Variants in PWWP3B observed in about 807,000 individuals in gnomAD.
PWWP3B encodes the protein PWWP domain containing 3B.
A neutral mutation model predicts 15.7 loss-of-function variants in PWWP3B; 5 were observed. The observed-to-expected ratio is 0.32, with a 90% CI of 0.17 to 0.67. PWWP3B has a LOEUF of 0.67. PWWP3B is among the 30% of genes least tolerant of loss of function. PWWP3B has a pLI of 0.74. For missense variants in PWWP3B, 519 were observed against 493.1 expected, an observed-to-expected ratio of 1.05 and a Z score of -0.50; for synonymous variants, 203 against 179.8, an observed-to-expected ratio of 1.13 and a Z score of -1.03.
intron 2 of PWWP3B, among the ~76,000 whole-genome samples, chrX:106,196,229 T>C (rs962904333): frequency 1.8e-5 from 2 of 112,038 alleles, no homozygotes; most frequent in African/African-American, 6.5e-5. Context: ...ATCTTGTCTG[T>C]AAATGCAATT....
intron 2 of PWWP3B, among the ~76,000 whole-genome samples, chrX:106,180,216 G>A (rs1922116412): frequency 9.0e-6 from 1 of 111,254 alleles, no homozygotes; most frequent in Non-Finnish European, 1.9e-5. Flanking sequence ...AATAGGAATA[G>A]TGTCCCCAAC....
Position 106,179,971 on chromosome X carries a change from C to T in PWWP3B, c.-401+8832C>T, listed in dbSNP as rs775590121. On this transcript the variant is annotated intron_variant, in intron 2 of 3. Coordinates refer to ENST00000357175, the MANE Select transcript of PWWP3B (RefSeq NM_001171020.2). Reference sequence around the variant, plus strand: ...CCATCTGCCTGACTCTCACGAAACCCTTAAAAACAATCCTTTCCAATGGGT... The same window carrying T: ...CCATCTGCCTGACTCTCACGAAACCTTTAAAAACAATCCTTTCCAATGGGT... 6.4e-4 allele frequency among the ~76,000 whole-genome samples: 71 copies of T among 111,490 alleles called. 2 individuals are homozygous for T. Among genetic ancestry groups the T allele is most frequent in the Admixed American group, 5.5e-3 (58 of 10,485 alleles).
At chrX:106,194,163 C>G (rs1253507848) in intron 2 of PWWP3B, among the ~76,000 whole-genome samples, 2 of 112,039 alleles carry the variant, frequency 1.8e-5, no homozygotes, top group Non-Finnish European at 3.8e-5. Flanking sequence ...TTCTCCCCGT[C>G]ACTTTCAGGT....
Position 106,205,404 on chromosome X carries a change from T to G in PWWP3B, c.-29T>G. On this transcript the variant is annotated 5_prime_UTR_variant, in exon 4 of 4. Coordinates refer to ENST00000357175, the MANE Select transcript of PWWP3B (RefSeq NM_001171020.2). ...AGATAGCCACCTCAACCTTTGGTAA[T>G]AACCCTTGGCACACAAATATAAACC... 1.8e-6 allele frequency: 2 copies of G among 1,101,493 alleles called. No homozygotes were observed. Among genetic ancestry groups the G allele is most frequent in the Non-Finnish European group, 2.4e-6 (2 of 841,843 alleles). The allele number at this position is 1,101,493 out of a possible 1,213,427, so 90.8% of individuals were successfully genotyped here.
intron 2 of PWWP3B, among the ~76,000 whole-genome samples, chrX:106,188,861 G>C (rs1922687034): frequency 8.9e-6 from 1 of 112,432 alleles, no homozygotes; most frequent in Non-Finnish European, 1.9e-5. Context: ...CCTTAATGTA[G>C]CTGAGAGGTA....
At position 106,205,806 on chromosome X, in the gene PWWP3B, A is replaced by C. The variant is rs957562867; in HGVS notation, c.374A>C (p.Gln125Pro). 5 of 1,211,322 alleles carry C rather than the reference A, an allele frequency of 4.1e-6. No homozygotes were observed. In the South Asian group the frequency reaches 5.3e-5, roughly 13 times the overall value. The part of the protein sequence containing the change: ...TMLSQNVPQK[Q>P]SDSPPHKKYR... ...CTGTCTCAAAATGTACCACAAAAAC[A>C]GTCCGATTCACCCCCTCATAAAAAA... The change falls in exon 4 of 4, where the codon CAG becomes CCG. Residue 125 changes from glutamine to proline, a missense_variant. Gln to Pro is a moderately conservative substitution (Grantham distance 76). Transcript: ENST00000357175.
chrX:106,196,954 G>A (rs1271168277), intron 2 of PWWP3B, among the ~76,000 whole-genome samples: 2 of 110,993 alleles, frequency 1.8e-5, no homozygotes, highest in East Asian at 5.8e-4. Context: ...CTTCATACTT[G>A]TGCCACCAGC....
Position 106,207,516 on chromosome X carries a change from C to G in PWWP3B, c.2084C>G (p.Ala695Gly). 4 of 1,140,622 alleles carry G rather than the reference C, an allele frequency of 3.5e-6. No individual in the cohort carries two copies. The highest frequency in any genetic ancestry group is 4.6e-6 in the Non-Finnish European group (4 of 862,596). 94.0% of individuals were successfully genotyped at this position (1,140,622 alleles called of 1,213,427 possible). The part of the protein sequence containing the change: ...EKRRKAPTNE[A>G]H ...AGACGAAAAGCACCAACAAATGAAG[C>G]TCACTAAATGTGCTGAAAGTTGAAA... The change falls in exon 4 of 4, where the codon GCT (alanine) becomes GGT (glycine). Residue 695 changes from alanine to glycine, a missense_variant. Ala to Gly is a moderately conservative substitution (Grantham distance 60). Coordinates refer to ENST00000357175, the MANE Select transcript of PWWP3B (RefSeq NM_001171020.2).
intron 2 of PWWP3B, among the ~76,000 whole-genome samples, chrX:106,199,583 C>G (rs1923579845): frequency 9.1e-6 from 1 of 110,401 alleles, no homozygotes; most frequent in Non-Finnish European, 1.9e-5. Flanking sequence ...AACTCTCTAT[C>G]ATGATCAAAT....
chrX:106,193,936 T>A (rs181423967), intron 2 of PWWP3B, among the ~76,000 whole-genome samples: 4 of 112,251 alleles, frequency 3.6e-5, no homozygotes, highest in Non-Finnish European at 7.5e-5. Context: ...CTTCCCTTTG[T>A]GGGTAACCTC....
chrX:106,170,228 G>A (rs1239588605), intron 1 of PWWP3B, among the ~76,000 whole-genome samples: 2 of 111,771 alleles, frequency 1.8e-5, no homozygotes, highest in Admixed American at 9.5e-5. Context: ...GAGGAATAAA[G>A]GGTCTAGTTT....
At chrX:106,188,125 G>A (rs945083214) in intron 2 of PWWP3B, among the ~76,000 whole-genome samples, 1 of 111,319 alleles carries the variant, frequency 9.0e-6, no homozygotes, top group African/African-American at 3.3e-5. Context: ...CAATGCTGAT[G>A]TCATCTGGTT....
intron 2 of PWWP3B, among the ~76,000 whole-genome samples, chrX:106,193,049 C>G (rs984612156): frequency 1.8e-5 from 2 of 111,566 alleles, no homozygotes; most frequent in Admixed American, 9.5e-5. Flanking sequence ...CTGTAGATGT[C>G]TATTAGGTCC....
chrX:106,205,835 C>G lies in PWWP3B; in HGVS notation c.403C>G (p.Arg135Gly), dbSNP rs766507481. Residue 135 changes from arginine to glycine, a missense_variant, in exon 4 of 4, where the codon CGG (arginine) becomes GGG (glycine). By Grantham distance (125) the Arg-to-Gly change is moderately radical (BLOSUM62 -2). Transcript: ENST00000357175. ...QSDSPPHKKY[R>G]KDEGDLPGCL... ...CGATTCACCCCCTCATAAAAAATAC[C>G]GGAAGGATGAAGGTGACTTACCAGG... is the stretch of plus-strand genomic sequence containing the variant. 9 of 1,211,074 alleles carry G rather than the reference C, an allele frequency of 7.4e-6. No individual in the cohort carries two copies. Among genetic ancestry groups the G allele is most frequent in the Non-Finnish European group, 1.0e-5 (9 of 895,264 alleles).
chrX:106,192,466 A>C (rs999014872), intron 2 of PWWP3B, among the ~76,000 whole-genome samples: 12 of 110,388 alleles, frequency 1.1e-4, no homozygotes, highest in Non-Finnish European at 1.9e-4. Flanking sequence ...CGGTCTATCA[A>C]TTTTGTTGAT....
chrX:106,194,319 C>G lies in PWWP3B; in HGVS notation c.-400-9666C>G, dbSNP rs1311145795. 3.6e-5 allele frequency among the ~76,000 whole-genome samples: 4 copies of G among 112,006 alleles called. No individual in the cohort carries two copies. The East Asian group carries it at 1.1e-3, about 31-fold the overall frequency. On this transcript the variant is annotated intron_variant, in intron 2 of 3. Coordinates refer to ENST00000357175, the MANE Select transcript of PWWP3B (RefSeq NM_001171020.2). ...TCTTCCATCGCTGATACCCTTTCTT[C>G]CAGTTGATCACATCGGTTACTGAGG...
chrX:106,186,438 A>C (rs1463491935), intron 2 of PWWP3B, among the ~76,000 whole-genome samples: 1 of 111,607 alleles, frequency 9.0e-6, no homozygotes. Flanking sequence ...GTTGCTTTTA[A>C]TTGGCCAACA....
chrX:106,189,807 C>T (rs1419184928), intron 2 of PWWP3B, among the ~76,000 whole-genome samples: 4 of 109,184 alleles, frequency 3.7e-5, no homozygotes, highest in Admixed American at 9.7e-5. Context: ...TTAGTAGAGA[C>T]GGGGTTTCAC....
chrX:106,193,821 G>A (rs1040449292), intron 2 of PWWP3B, among the ~76,000 whole-genome samples: 1 of 111,834 alleles, frequency 8.9e-6, no homozygotes, highest in Non-Finnish European at 1.9e-5. Flanking sequence ...CTGGATATGA[G>A]ATTCTGGGTT....
Sources: allele counts gnomAD v4.1 joint callset (sites outside exome capture counted in the v4.1 genomes callset), GRCh38; gene constraint gnomAD v4.1.1; transcripts MANE v1.5; gene names NCBI Gene and HGNC (gene_info 2026-07-23, HGNC 2026-07-21).